SPAG16: variants seen among roughly 807,000 people sequenced by gnomAD.
SPAG16 encodes sperm associated antigen 16.
Under a neutral mutation model 80.4 loss-of-function variants are expected in SPAG16, and 86 were observed. The observed-to-expected ratio is 1.07, with a 90% confidence interval of 0.90 to 1.28. The LOEUF (loss-of-function observed/expected upper bound fraction) is 1.28. Ranked by LOEUF, SPAG16 falls within the 50% of genes most tolerant of loss-of-function variation. The pLI is 0.00. For synonymous variants in SPAG16, 294 were observed against 265.9 expected (o/e 1.11, Z -1.03); for missense variants, 870 against 765.3 (o/e 1.14, Z -1.61).
At chr2:213,578,098 C>CAA (rs201240536) in intron 10 of SPAG16, among the ~76,000 whole-genome samples, 9 of 150,658 alleles carry the variant, frequency 6.0e-5, no homozygotes, top group Admixed American at 4.6e-4. Flanking sequence ...TTTAAAACAT[C>CAA]AAAAAAAAAT....
chr2:213,947,458 T>G (rs1272426232), intron 12 of SPAG16, among the ~76,000 whole-genome samples: 2 of 152,174 alleles, frequency 1.3e-5, no homozygotes, highest in African/African-American at 4.8e-5. Flanking sequence ...AGACATCTTA[T>G]TATGTACATA....
At chr2:213,576,080 A>T (rs2060113956) in intron 10 of SPAG16, among the ~76,000 whole-genome samples, 1 of 152,200 alleles carries the variant, frequency 6.6e-6, no homozygotes, top group Non-Finnish European at 1.5e-5. Flanking sequence ...TCTTTAATCC[A>T]TCATGAGTTA....
chr2:213,411,408 AACTAC>A (rs1472879461), intron 9 of SPAG16, among the ~76,000 whole-genome samples: 8 of 152,224 alleles, frequency 5.3e-5, no homozygotes, highest in African/African-American at 1.9e-4. Context: ...GCGATTTATT[AACTAC>A]ACTAAAGATG....
At chr2:213,823,769 T>A (rs2073102109) in intron 10 of SPAG16, among the ~76,000 whole-genome samples, 1 of 152,230 alleles carries the variant, frequency 6.6e-6, no homozygotes, top group Non-Finnish European at 1.5e-5. Flanking sequence ...TTTGGTTTTA[T>A]TTTGTGTAAA....
At chr2:214,267,321 G>T (rs941599726) in intron 15 of SPAG16, among the ~76,000 whole-genome samples, 2 of 151,800 alleles carry the variant, frequency 1.3e-5, no homozygotes, top group Non-Finnish European at 3.0e-5. Context: ...GAATAGGATA[G>T]AGAGCCCAGA....
chr2:214,329,315 T>C lies in SPAG16; in HGVS notation c.1721-80825T>C, dbSNP rs1369215920. 4.6e-5 allele frequency among the ~76,000 whole-genome samples: 7 copies of C among 152,320 alleles called. No individual in the cohort carries two copies. In the South Asian group the frequency reaches 1.2e-3, roughly 27 times the overall value. On this transcript the variant is annotated intron_variant, in intron 15 of 15. Coordinates refer to ENST00000331683, the MANE Select transcript of SPAG16 (RefSeq NM_024532.5). Reference sequence around the variant, plus strand: ...TTAAAGAAAGAATTCTTATTATGTTTTATGTATGTTTCTAACTTGTCTTCA... The same window carrying C: ...TTAAAGAAAGAATTCTTATTATGTTCTATGTATGTTTCTAACTTGTCTTCA...
rs542016910 is a variant in SPAG16, at chr2:213,910,710, G to T, written c.1215-19250G>T. Among the ~76,000 whole-genome samples the T allele has an allele frequency of 1.6e-4, 5 of 31,900 alleles. 2 individuals are homozygous for T. The highest frequency in any genetic ancestry group is 6.3e-4 in the Non-Finnish European group (5 of 7,894). The allele number at this position is 31,900 out of a possible 152,430, so 20.9% of individuals were successfully genotyped here. Reference sequence around the variant, plus strand: ...TCACCGTGTTAGCCAGAATGGTCTCGATCTCCTGACCTCGTGATCCGCCCG... The same window carrying T: ...TCACCGTGTTAGCCAGAATGGTCTCTATCTCCTGACCTCGTGATCCGCCCG... On this transcript the variant is annotated intron_variant, in intron 11 of 15. Transcript: ENST00000331683.
chr2:214,063,317 C>G (rs1248200410), intron 13 of SPAG16, among the ~76,000 whole-genome samples: 1 of 152,056 alleles, frequency 6.6e-6, no homozygotes, highest in Non-Finnish European at 1.5e-5. Context: ...TGCCATAATA[C>G]CACATACTGG....
At chr2:213,657,582 G>T (rs1258460260) in intron 10 of SPAG16, among the ~76,000 whole-genome samples, 1 of 152,132 alleles carries the variant, frequency 6.6e-6, no homozygotes. Flanking sequence ...TTTTATGAAA[G>T]TTTTGGGTGC....
intron 10 of SPAG16, among the ~76,000 whole-genome samples, chr2:213,704,667 G>A (rs943630245): frequency 1.3e-4 from 16 of 126,206 alleles, no homozygotes; most frequent in African/African-American, 4.8e-4. Context: ...GTCCTTTTAA[G>A]CTACCTGTTC....
intron 15 of SPAG16, among the ~76,000 whole-genome samples, chr2:214,391,031 A>G (rs1025374048): frequency 1.3e-5 from 2 of 152,196 alleles, no homozygotes; most frequent in African/African-American, 4.8e-5. Flanking sequence ...GAAGATCTTA[A>G]GGACAGTGGA....
intron 10 of SPAG16, among the ~76,000 whole-genome samples, chr2:213,708,434 G>T (rs1205904864): frequency 1.3e-5 from 2 of 152,132 alleles, no homozygotes; most frequent in Non-Finnish European, 2.9e-5. Context: ...GGGCATGGTG[G>T]CTCATGCCTG....
chr2:213,407,430 G>A (rs1328371568), intron 9 of SPAG16, among the ~76,000 whole-genome samples: 3 of 151,754 alleles, frequency 2.0e-5, no homozygotes, highest in East Asian at 1.9e-4. Flanking sequence ...TGAGCCTTCC[G>A]GGACAGGCAA....
At chr2:213,850,015 A>G (rs1330135867) in intron 10 of SPAG16, among the ~76,000 whole-genome samples, 2 of 152,216 alleles carry the variant, frequency 1.3e-5, no homozygotes, top group African/African-American at 4.8e-5. Context: ...TAAAATGTTC[A>G]GCTGCTAAGG....
intron 10 of SPAG16, among the ~76,000 whole-genome samples, chr2:213,553,790 C>T (rs1327522415): frequency 1.1e-4 from 16 of 152,164 alleles, no homozygotes; most frequent in Admixed American, 7.9e-4. Flanking sequence ...GATGCCCATC[C>T]TCTAGACACA....
Position 213,320,085 on chromosome 2 carries a change from G to A in SPAG16, c.536+2729G>A, listed in dbSNP as rs931685453. On this transcript the variant is annotated intron_variant, in intron 5 of 15. Transcript: ENST00000331683. ...AGATGCTTAATCTTTATTTTGTTGA[G>A]TGGATATTAAGCATGGTGTGCTTTC... Among the ~76,000 whole-genome samples the A allele has an allele frequency of 2.0e-5, 3 of 151,968 alleles. No individual in the cohort carries two copies. The South Asian group carries it at 6.2e-4, about 31-fold the overall frequency.
intron 15 of SPAG16, among the ~76,000 whole-genome samples, chr2:214,162,007 G>A (rs1041526407): frequency 2.5e-4 from 38 of 152,076 alleles, no homozygotes; most frequent in East Asian, 1.4e-3. Context: ...TTAGCTTTAC[G>A]TTGGTAGCTT....
chr2:214,037,478 GAGA>G (rs1041450282), intron 13 of SPAG16, among the ~76,000 whole-genome samples: 5 of 151,976 alleles, frequency 3.3e-5, no homozygotes, highest in African/African-American at 7.2e-5. Context: ...ATGAATGTTT[GAGA>G]AGAAGATGTA....
At chr2:213,830,042 C>T (rs1470358314) in intron 10 of SPAG16, among the ~76,000 whole-genome samples, 1 of 152,142 alleles carries the variant, frequency 6.6e-6, no homozygotes, top group Non-Finnish European at 1.5e-5. Flanking sequence ...GACCCCAAGT[C>T]CACTGGCTCC....
Sources: allele counts gnomAD v4.1 joint callset (sites outside exome capture counted in the v4.1 genomes callset), GRCh38; gene constraint gnomAD v4.1.1; transcripts MANE v1.5; gene names NCBI Gene and HGNC (gene_info 2026-07-23, HGNC 2026-07-21).